The following ZNF704 variants were observed in gnomAD, a reference collection of about 807,000 sequenced individuals.
ZNF704 encodes zinc finger protein 704.
A neutral mutation model predicts 44.7 loss-of-function variants in ZNF704; 10 were observed. The observed-to-expected ratio is 0.22, with a 90% CI of 0.14 to 0.38. ZNF704 has a LOEUF of 0.38. ZNF704 is among the 10% of genes least tolerant of loss of function. The pLI is 1.00. For synonymous variants in ZNF704, 211 were observed against 207.6 expected (o/e 1.02, Z -0.14); for missense variants, 390 against 545.5 (o/e 0.71, Z 2.84).
At position 80,641,114 on chromosome 8, in the gene ZNF704, TC is replaced by T; in HGVS notation, c.*251del. On this transcript the variant is annotated 3_prime_UTR_variant, in exon 9 of 9. Coordinates refer to ENST00000327835, the MANE Select transcript of ZNF704 (RefSeq NM_001033723.3). ...ACATACAGCAAAAAAAGTTGACTTT[TC>T]TTTTGAAGGAAAAAAAACTAGTTAT... 1 of 288,266 alleles carries T rather than the reference TC, an allele frequency of 3.5e-6. No homozygotes were observed. 17.9% of individuals were successfully genotyped at this position (288,266 alleles called of 1,614,324 possible). A position where few individuals can be genotyped will look rare whatever the true frequency, so the allele number is the denominator to read the frequency against.
At chr8:80,864,307 C>A (rs747096417) in intron 1 of ZNF704, among the ~76,000 whole-genome samples, 17 of 151,880 alleles carry the variant, frequency 1.1e-4, no homozygotes, top group Non-Finnish European at 1.8e-4. Flanking sequence ...GTCTTTCCCA[C>A]CAAGAAAATA....
chr8:80,830,757 T>TTTC (rs1563569229), intron 1 of ZNF704, among the ~76,000 whole-genome samples: 5 of 99,016 alleles, frequency 5.0e-5, no homozygotes, highest in African/African-American at 2.6e-4. Context: ...TTCTTTCTTT[T>TTTC]TTTTTTTTTT....
In ZNF704 at chr8:80,630,900, T is replaced by C. The variant is rs1293564014; in HGVS notation, c.*10466A>G. ...AGGGATTTTTTTTAAAAAAAACATG[T>C]ATGATCCACATTCCTGGGTTAGTTT... On this transcript the variant is annotated 3_prime_UTR_variant, in exon 9 of 9. Transcript: ENST00000327835. 6.6e-6 allele frequency: 1 copy of C among 152,152 alleles called. No homozygotes were observed. Among genetic ancestry groups the C allele is most frequent in the Non-Finnish European group, 1.5e-5 (1 of 68,030 alleles). The allele number at this position is 152,152 out of a possible 1,614,324, so 9.4% of individuals were successfully genotyped here. A position where few individuals can be genotyped will look rare whatever the true frequency, so the allele number is the denominator to read the frequency against.
chr8:80,644,029 T>C (rs1046612739), intron 7 of ZNF704, among the ~76,000 whole-genome samples: 1 of 152,184 alleles, frequency 6.6e-6, no homozygotes, highest in Non-Finnish European at 1.5e-5. Context: ...GCAGAGAGTC[T>C]GAGCAAATCA....
At chr8:80,703,016 G>A (rs1455829741) in intron 2 of ZNF704, among the ~76,000 whole-genome samples, 1 of 152,022 alleles carries the variant, frequency 6.6e-6, no homozygotes, top group African/African-American at 2.4e-5. Context: ...GCAAAGGCTT[G>A]GTAACAGCCG....
chr8:80,881,343 A>G, the ZNF704 span, among the ~76,000 whole-genome samples: 1 of 152,270 alleles, frequency 6.6e-6, no homozygotes, highest in African/African-American at 2.4e-5. Context: ...ACAAAGAGTG[A>G]GGGAAGTCAC....
intron 2 of ZNF704, among the ~76,000 whole-genome samples, chr8:80,759,971 T>G (rs1441910131): frequency 6.6e-6 from 1 of 152,122 alleles, no homozygotes; most frequent in Non-Finnish European, 1.5e-5. Context: ...TTACTCAGGC[T>G]GTCTTGAATG....
rs553265693 is a variant in ZNF704 at position 80,717,043 on chromosome 8, C to T, written c.222-23936G>A. ...TTTTAAGTTGCAAAGGCACTCTATA[C>T]TCTTTAAATAGCTCCAGTATTTAAA... On this transcript the variant is annotated intron_variant, in intron 2 of 8. Coordinates refer to ENST00000327835, the MANE Select transcript of ZNF704 (RefSeq NM_001033723.3). Among the ~76,000 whole-genome samples the T allele has an allele frequency of 2.0e-4, 30 of 152,342 alleles. No homozygotes were observed. The South Asian group carries it at 4.4e-3, about 22-fold the overall frequency.
intron 1 of ZNF704, among the ~76,000 whole-genome samples, chr8:80,866,913 C>T (rs997085854): frequency 1.3e-5 from 2 of 152,138 alleles, no homozygotes; most frequent in Non-Finnish European, 1.5e-5. Flanking sequence ...CTTGGCTCCT[C>T]CCTACTAGGA....
Position 80,641,118 on chromosome 8 carries a change from T to C in ZNF704, c.*248A>G. 3.4e-6 allele frequency: 1 copy of C among 297,488 alleles called. No individual in the cohort carries two copies. The allele number at this position is 297,488 out of a possible 1,614,324, so 18.4% of individuals were successfully genotyped here. On this transcript the variant is annotated 3_prime_UTR_variant, in exon 9 of 9. Transcript: ENST00000327835. Reference sequence around the variant, plus strand: ...ACAGCAAAAAAAGTTGACTTTTCTTTTGAAGGAAAAAAAACTAGTTATAGC... The same window carrying C: ...ACAGCAAAAAAAGTTGACTTTTCTTCTGAAGGAAAAAAAACTAGTTATAGC...
intron 1 of ZNF704, among the ~76,000 whole-genome samples, chr8:80,867,980 A>G (rs1478131589): frequency 6.6e-6 from 1 of 152,234 alleles, no homozygotes; most frequent in African/African-American, 2.4e-5. Flanking sequence ...CTAGCAAATT[A>G]TCAAACCCTC....
intron 1 of ZNF704, among the ~76,000 whole-genome samples, chr8:80,836,165 C>T (rs1808554996): frequency 6.6e-6 from 1 of 152,218 alleles, no homozygotes; most frequent in Non-Finnish European, 1.5e-5. Flanking sequence ...AAGTCCTTGC[C>T]TCCAAAGTCG....
chr8:80,809,110 G>A (rs188704534), intron 2 of ZNF704, among the ~76,000 whole-genome samples: 7 of 152,268 alleles, frequency 4.6e-5, no homozygotes, highest in African/African-American at 1.7e-4. Context: ...TGGCCAACAC[G>A]GTGAAACCCT....
At chr8:80,771,698 T>C (rs1010491430) in intron 2 of ZNF704, among the ~76,000 whole-genome samples, 1 of 152,178 alleles carries the variant, frequency 6.6e-6, no homozygotes, top group Non-Finnish European at 1.5e-5. Flanking sequence ...TTCAGCTCAT[T>C]TTCTCAACTT....
At chr8:80,747,152 G>T (rs936461661) in intron 2 of ZNF704, among the ~76,000 whole-genome samples, 13 of 151,964 alleles carry the variant, frequency 8.6e-5, no homozygotes, top group Non-Finnish European at 5.9e-5. Context: ...AATCATATGG[G>T]ACCAATTCTG....
intron 1 of ZNF704, among the ~76,000 whole-genome samples, chr8:80,863,418 G>A (rs1230848170): frequency 6.6e-6 from 1 of 152,056 alleles, no homozygotes; most frequent in East Asian, 1.9e-4. Context: ...TTGCTGCTTA[G>A]GTACCAATTC....
At chr8:80,813,643 C>T (rs910016134) in intron 2 of ZNF704, among the ~76,000 whole-genome samples, 6 of 151,948 alleles carry the variant, frequency 3.9e-5, no homozygotes, top group African/African-American at 9.7e-5. Flanking sequence ...TTTGGGAGGC[C>T]GAGGCGGGCA....
Position 80,639,585 on chromosome 8 carries a change from C to A in ZNF704, c.*1781G>T, listed in dbSNP as rs976624788. 2.6e-5 allele frequency: 4 copies of A among 151,932 alleles called. No homozygotes were observed. The highest frequency in any genetic ancestry group is 4.4e-5 in the Non-Finnish European group (3 of 67,986). The allele number at this position is 151,932 out of a possible 1,614,324, so 9.4% of individuals were successfully genotyped here. A position where few individuals can be genotyped will look rare whatever the true frequency, so the allele number is the denominator to read the frequency against. On this transcript the variant is annotated 3_prime_UTR_variant, in exon 9 of 9. Transcript: ENST00000327835. ...AGAAAAAAATAAATGAAGAAAAAAA[C>A]CAGGATCTCTTCCAAGGAGTAATTT...
chr8:80,826,692 C>T (rs563811586), intron 1 of ZNF704, among the ~76,000 whole-genome samples: 3 of 152,244 alleles, frequency 2.0e-5, no homozygotes, highest in Non-Finnish European at 4.4e-5. Flanking sequence ...ACTGGCAAAC[C>T]GAATCCAGCA....
Sources: gnomAD v4.1 joint callset for allele counts (sites outside exome capture counted in the v4.1 genomes callset) on GRCh38, gnomAD v4.1.1 for gene constraint, MANE v1.5 for transcripts, NCBI Gene and HGNC (gene_info 2026-07-23, HGNC 2026-07-21) for gene names.